The following KCNQ2 variants were observed in gnomAD, a reference collection of about 807,000 sequenced individuals.
KCNQ2 encodes potassium voltage-gated channel subfamily Q member 2, also known as potassium voltage-gated channel subfamily KQT member 2.
A neutral mutation model predicts 84.8 loss-of-function variants in KCNQ2; 14 were observed. The observed-to-expected ratio is 0.17, with a 90% CI of 0.11 to 0.26. The LOEUF is 0.26. Ranked by LOEUF, KCNQ2 falls within the 10% of genes least tolerant of loss-of-function variation. The pLI, the probability that KCNQ2 is intolerant of heterozygous loss-of-function variation, is 1.00. For missense variants in KCNQ2, 788 were observed against 1,254.0 expected (o/e 0.63, Z 5.61); for synonymous variants, 599 against 554.1 (o/e 1.08, Z -1.14).
Position 63,437,790 on chromosome 20 carries a change from G to A in KCNQ2, c.1023+835C>T, listed in dbSNP as rs1362862195. ...AGCTGCAAGAATGGCTGGTCCCAAG[G>A]GGGTCCTGCTGTCTGTCCATATTTT... On this transcript the variant is annotated intron_variant, in intron 7 of 16. Transcript: ENST00000359125. Among the ~76,000 whole-genome samples the A allele has an allele frequency of 3.3e-5, 5 of 152,160 alleles. No homozygotes were observed. In the East Asian group the frequency reaches 9.6e-4, roughly 29 times the overall value.
At chr20:63,442,905 CCACCAT>C (rs200636870) in intron 4 of KCNQ2, among the ~76,000 whole-genome samples, 2 of 35,088 alleles carry the variant, frequency 5.7e-5, no homozygotes, top group East Asian at 1.8e-3. Context: ...ACCATCACCA[CCACCAT>C]CACCATCACC....
chr20:63,400,723 T>C lies in KCNQ2; in HGVS notation c.*5921A>G. 2.5e-6 allele frequency: 1 copy of C among 398,456 alleles called. No homozygotes were observed. The highest frequency in any genetic ancestry group is 2.1e-5 in the African/African-American group (1 of 48,694). The allele number at this position is 398,456 out of a possible 1,614,324, so 24.7% of individuals were successfully genotyped here. On this transcript the variant is annotated 3_prime_UTR_variant, in exon 17 of 17. Transcript: ENST00000359125. This position sits in a 1 kb window ranked among gnomAD's most constrained non-coding sequence, Gnocchi z 8.7. ...GGGGCGCGGGCATGGCGGGCACACG[T>C]GGGCCGTGTGGATCCCGGGCAGAGG...
chr20:63,443,472 CCATCAT>C (rs545559602), intron 4 of KCNQ2, among the ~76,000 whole-genome samples: 19 of 79,124 alleles, frequency 2.4e-4, no homozygotes, highest in South Asian at 8.9e-4. Flanking sequence ...ACCATCACCA[CCATCAT>C]CACCACCACC....
intron 11 of KCNQ2, chr20:63,422,163 A>T (rs528338491): frequency 6.5e-6 from 1 of 153,032 alleles, no homozygotes; most frequent in South Asian, 2.1e-4. Flanking sequence ...GTCAGGCAGC[A>T]GAGGGGCGCC....
chr20:63,435,390 CAACAACA>C (rs1467027237), intron 7 of KCNQ2, among the ~76,000 whole-genome samples: 1 of 136,204 alleles, frequency 7.3e-6, no homozygotes, highest in African/African-American at 2.8e-5. Context: ...CCTATCTCAA[CAACAACA>C]AAAAAAAAAA....
Position 63,425,947 on chromosome 20 carries a change from C to T in KCNQ2, c.1218-1741G>A, listed in dbSNP as rs1182536039. Among the ~76,000 whole-genome samples, 2 of 152,204 alleles carry T rather than the reference C, an allele frequency of 1.3e-5. No homozygotes were observed. The highest frequency in any genetic ancestry group is 2.1e-4 in the South Asian group (1 of 4,832). The stretch of plus-strand genomic sequence containing the variant: ...AAAGGGAGAATGACAGAGGGGCCGC[C>T]GGCCACCACGTTTCCAATCCGGCGG... On this transcript the variant is annotated intron_variant, in intron 10 of 16. Coordinates refer to ENST00000359125, the MANE Select transcript of KCNQ2 (RefSeq NM_172107.4). The surrounding 1 kb of genome is among the most constrained non-coding windows in gnomAD (Gnocchi z 5.5).
At chr20:63,458,313 T>C (rs1262400439) in intron 1 of KCNQ2, among the ~76,000 whole-genome samples, 1 of 152,132 alleles carries the variant, frequency 6.6e-6, no homozygotes, top group African/African-American at 2.4e-5. Flanking sequence ...GCCCTGAAGA[T>C]AGACCCCACC....
At chr20:63,443,328 TCAC>T (rs1568937216) in intron 4 of KCNQ2, among the ~76,000 whole-genome samples, 2 of 7,308 alleles carry the variant, frequency 2.7e-4, no homozygotes, top group Non-Finnish European at 6.2e-4. Flanking sequence ...ACCACCACCA[TCAC>T]CATCACCACC....
intron 8 of KCNQ2, among the ~76,000 whole-genome samples, chr20:63,432,424 C>A (rs1351825274): frequency 7.4e-5 from 11 of 148,058 alleles, no homozygotes; most frequent in African/African-American, 2.8e-4. Flanking sequence ...AGGGAAGGCC[C>A]CACCCTCAGG....
intron 8 of KCNQ2, chr20:63,433,498 C>T: frequency 5.2e-6 from 3 of 576,506 alleles, no homozygotes; most frequent in Non-Finnish European, 9.2e-6. Flanking sequence ...TCCAGAGCAG[C>T]CCGGGGCGGG....
At position 63,407,471 on chromosome 20, in the gene KCNQ2, TC is replaced by T. The variant is rs2079984764; in HGVS notation, c.1888-97del. On this transcript the variant is annotated intron_variant, in intron 16 of 16. Transcript: ENST00000359125. The surrounding 1 kb of genome is among the most constrained non-coding windows in gnomAD (Gnocchi z 7.2). ...AGGAAATGGGGGGGCCCAGGCTGGT[TC>T]CAGGAAACAGGAGAGACCCAGGCTA... The T allele has an allele frequency of 7.3e-7, 1 of 1,368,620 alleles. No individual in the cohort carries two copies. The highest frequency in any genetic ancestry group is 1.5e-5 in the African/African-American group (1 of 67,842). 84.8% of individuals were successfully genotyped at this position (1,368,620 alleles called of 1,614,324 possible).
intron 1 of KCNQ2, among the ~76,000 whole-genome samples, chr20:63,467,029 G>A (rs369890549): frequency 6.6e-6 from 1 of 152,210 alleles, no homozygotes; most frequent in Non-Finnish European, 1.5e-5. Flanking sequence ...GGGGGACATC[G>A]CAGGCATCAC....
chr20:63,416,674 G>A (rs887251909), intron 12 of KCNQ2, among the ~76,000 whole-genome samples: 1 of 152,110 alleles, frequency 6.6e-6, no homozygotes, highest in African/African-American at 2.4e-5. Flanking sequence ...CTGATCCCAC[G>A]GCGGCTCCCC....
chr20:63,417,285 TTC>T (rs1476552767), intron 12 of KCNQ2, among the ~76,000 whole-genome samples: 3 of 152,192 alleles, frequency 2.0e-5, no homozygotes, highest in African/African-American at 4.8e-5. Context: ...TCCTGGAATG[TTC>T]TCTCTTTCTC....
In KCNQ2 at chr20:63,414,120, G is replaced by A. The variant is rs2080210990; in HGVS notation, c.1599C>T (p.Thr533=). Reference sequence around the variant, plus strand: ...CTCTGATGCTGACTTTGAGGCCCGGGGTCAGGTCCTCGGTCACAAACTCGC... The same window carrying A: ...CTCTGATGCTGACTTTGAGGCCCGGAGTCAGGTCCTCGGTCACAAACTCGC... ...CPCEFVTEDL[T]PGLKVSIRAV... The change falls in exon 14 of 17, where the codon ACC becomes ACT. Residue 533 remains threonine, a synonymous_variant. Coordinates refer to ENST00000359125, the MANE Select transcript of KCNQ2 (RefSeq NM_172107.4). This position sits in a 1 kb window ranked among gnomAD's most constrained non-coding sequence, Gnocchi z 6.6. The A allele has an allele frequency of 6.2e-7, 1 of 1,613,554 alleles. No individual in the cohort carries two copies. The highest frequency in any genetic ancestry group is 1.3e-5 in the African/African-American group (1 of 74,910).
At chr20:63,418,142 T>G (rs4809297) in intron 12 of KCNQ2, among the ~76,000 whole-genome samples, 97,012 of 152,194 alleles carry the variant, frequency 0.64, 31,276 homozygotes, top group East Asian at 0.71. Context: ...CTGCCTCAGC[T>G]GCCAGGAGCA....
chr20:63,421,215 G>A (rs1013758301), intron 11 of KCNQ2, among the ~76,000 whole-genome samples: 8 of 152,196 alleles, frequency 5.3e-5, no homozygotes, highest in Admixed American at 2.6e-4. Flanking sequence ...CGGCCCTGCC[G>A]CCCGATTCTG....
intron 1 of KCNQ2, among the ~76,000 whole-genome samples, chr20:63,450,873 G>A (rs990652170): frequency 7.9e-5 from 12 of 152,012 alleles, no homozygotes; most frequent in African/African-American, 2.2e-4. Flanking sequence ...CATGCATGGC[G>A]GCTCACGCAT....
Position 63,444,778 on chromosome 20 carries a change from CGTT to C in KCNQ2, c.568_570del (p.Asn190del). 6.2e-7 allele frequency: 1 copy of C among 1,608,388 alleles called. No homozygotes were observed. Among genetic ancestry groups the C allele is most frequent in the Non-Finnish European group, 8.5e-7 (1 of 1,178,074 alleles). ...CTCCGGAGCGCAGATGTGGCAAAGA[CGTT>C]GCCCTGGGAGCCGGCGGCCAGCACC... On this transcript the variant is annotated inframe_deletion, in exon 4 of 17. Coordinates refer to ENST00000359125, the MANE Select transcript of KCNQ2 (RefSeq NM_172107.4).
Sources: allele counts gnomAD v4.1 joint callset (sites outside exome capture counted in the v4.1 genomes callset), GRCh38; gene constraint gnomAD v4.1.1; non-coding constraint Gnocchi (gnomAD v3.1); transcripts MANE v1.5; gene names NCBI Gene and HGNC (gene_info 2026-07-23, HGNC 2026-07-21).